The following ZDHHC19 variants were observed in gnomAD, a reference collection of about 807,000 sequenced individuals.
ZDHHC19 encodes the protein palmitoyltransferase ZDHHC19.
Under a neutral mutation model 33.9 loss-of-function variants are expected in ZDHHC19, and 30 were observed. The ratio of observed to expected loss-of-function variants is 0.88; its 90% CI spans 0.66 to 1.20. ZDHHC19 has a LOEUF of 1.20. Ranked by LOEUF, ZDHHC19 falls within the 50% of genes most tolerant of loss-of-function variation. The pLI is 0.00. For synonymous variants in ZDHHC19, 178 were observed against 167.6 expected, an observed-to-expected ratio of 1.06 and a Z score of -0.48; for missense variants, 364 against 401.1, an observed-to-expected ratio of 0.91 and a Z score of 0.79.
rs866271851 is a variant in ZDHHC19 at position 196,211,279 on chromosome 3, C to T, written c.37G>A (p.Glu13Lys). The T allele has an allele frequency of 6.2e-7, 1 of 1,613,968 alleles. No individual in the cohort carries two copies. The change falls in exon 1 of 8, where the codon GAG becomes AAG. Residue 13 changes from glutamate to lysine, a missense_variant. By Grantham distance (56) the Glu-to-Lys change is moderately conservative (BLOSUM62 1). Coordinates refer to ENST00000296326, the MANE Select transcript of ZDHHC19 (RefSeq NM_001039617.2). Reference protein sequence around the residue: ...LLTDATPLVKEPHPLPLVPRP... With the variant: ...LLTDATPLVKKPHPLPLVPRP... ...GGGACCAGAGGCAGGGGATGGGGCTCCTTCACCAGCGGCGTGGCATCCGTT... is the reference window on the plus strand; with the variant it reads ...GGGACCAGAGGCAGGGGATGGGGCTTCTTCACCAGCGGCGTGGCATCCGTT...
chr3:196,206,962 G>A (rs1002179402), intron 5 of ZDHHC19, among the ~76,000 whole-genome samples: 1 of 151,908 alleles, frequency 6.6e-6, no homozygotes, highest in Non-Finnish European at 1.5e-5. Context: ...CCTCCTCTCC[G>A]TCTTCTGTCT....
intron 4 of ZDHHC19, among the ~76,000 whole-genome samples, chr3:196,207,931 TTTTTC>T (rs778723700): frequency 1.5e-4 from 18 of 123,766 alleles, no homozygotes; most frequent in Middle Eastern, 4.1e-3. Context: ...GCCAGATTCC[TTTTTC>T]TTTTCTTTTC....
Position 196,203,688 on chromosome 3 carries a change from G to C in ZDHHC19, c.687+3710C>G, listed in dbSNP as rs1722529290. Among the ~76,000 whole-genome samples the C allele has an allele frequency of 6.6e-6, 1 of 152,238 alleles. No individual in the cohort carries two copies. Among genetic ancestry groups the C allele is most frequent in the Admixed American group, 6.5e-5 (1 of 15,290 alleles). On this transcript the variant is annotated intron_variant, in intron 5 of 7. Coordinates refer to ENST00000296326, the MANE Select transcript of ZDHHC19 (RefSeq NM_001039617.2). This position sits in a 1 kb window ranked among gnomAD's most constrained non-coding sequence, Gnocchi z 4.3. ...GGCAGCATTCTGGGCAGGGGAGGGA[G>C]GGCAGGAAGAACCACAGGATGTGAG...
In ZDHHC19 at chr3:196,203,907, T is replaced by C. The variant is rs1022040526; in HGVS notation, c.687+3491A>G. ...GTGGGCAGAGAGGGCGCCTGTGTCC[T>C]TCCAGCTGTCTGATACCTGCAGCTC... On this transcript the variant is annotated intron_variant, in intron 5 of 7. Coordinates refer to ENST00000296326, the MANE Select transcript of ZDHHC19 (RefSeq NM_001039617.2). The surrounding 1 kb of genome is among the most constrained non-coding windows in gnomAD (Gnocchi z 4.3). Among the ~76,000 whole-genome samples, 4 of 152,110 alleles carry C rather than the reference T, an allele frequency of 2.6e-5. No homozygotes were observed. The highest frequency in any genetic ancestry group is 9.7e-5 in the African/African-American group (4 of 41,406).
chr3:196,199,958 T>C (rs2108714228), intron 5 of ZDHHC19, among the ~76,000 whole-genome samples: 1 of 149,978 alleles, frequency 6.7e-6, no homozygotes, highest in East Asian at 2.0e-4. Context: ...AAAAAGAAAC[T>C]GGTATTGTAT....
chr3:196,204,067 G>T (rs1325493630), intron 5 of ZDHHC19, among the ~76,000 whole-genome samples: 5 of 151,972 alleles, frequency 3.3e-5, no homozygotes, highest in Admixed American at 6.6e-5. Context: ...GCAATAAGAA[G>T]AGAAAAAAAT....
intron 3 of ZDHHC19, 198 bp from the exon 4 acceptor site, chr3:196,208,758 T>C: frequency 1.6e-6 from 1 of 616,340 alleles, no homozygotes; most frequent in Non-Finnish European, 2.8e-6. Context: ...GTTAGGACTC[T>C]GGTATATACG....
intron 5 of ZDHHC19, among the ~76,000 whole-genome samples, chr3:196,205,745 T>C (rs1438663748): frequency 2.0e-5 from 3 of 152,192 alleles, no homozygotes; most frequent in Non-Finnish European, 2.9e-5. Context: ...CACTGCAGCT[T>C]CTGCCTCCCA....
chr3:196,208,438 G>T lies in ZDHHC19; in HGVS notation c.531C>A (p.Ile177=), dbSNP rs1262097639. Residue 177 remains isoleucine (I), a synonymous_variant, in exon 4 of 8, where the codon ATC becomes ATA. Coordinates refer to ENST00000296326, the MANE Select transcript of ZDHHC19 (RefSeq NM_001039617.2). Reference sequence around the variant, plus strand: ...GCAGGTGGGTTGTGCGCACCAGGAAGATGAGACAGGTGACCAGCATGGCGC... The same window carrying T: ...GCAGGTGGGTTGTGCGCACCAGGAATATGAGACAGGTGACCAGCATGGCGC... The part of the protein sequence containing the change: ...YSGAMLVTCL[I]FLVRTTHLPF... 1 of 1,614,074 alleles carries T rather than the reference G, an allele frequency of 6.2e-7. No homozygotes were observed.
At chr3:196,198,023 A>C (rs1331074270) in intron 7 of ZDHHC19, among the ~76,000 whole-genome samples, 3 of 152,138 alleles carry the variant, frequency 2.0e-5, no homozygotes, top group Non-Finnish European at 4.4e-5. Flanking sequence ...GACTGGCCTG[A>C]GGCCCATCAG....
chr3:196,209,657 C>G, intron 2 of ZDHHC19, 142 bp from the exon 3 acceptor site: 2 of 1,142,610 alleles, frequency 1.8e-6, no homozygotes, highest in Non-Finnish European at 2.4e-6. Context: ...GCAAGCTGTC[C>G]AAGCTCAGAG....
intron 3 of ZDHHC19, 164 bp from the exon 4 acceptor site, chr3:196,208,724 T>G (rs1716141558): frequency 2.7e-6 from 2 of 748,646 alleles, no homozygotes; most frequent in African/African-American, 3.5e-5. Context: ...TGCCTCATGC[T>G]GGCATTTCCC....
At chr3:196,201,883 C>A (rs1722378592) in intron 5 of ZDHHC19, among the ~76,000 whole-genome samples, 1 of 152,144 alleles carries the variant, frequency 6.6e-6, no homozygotes. Flanking sequence ...CGTCTCCCAC[C>A]CAACCCCCCT....
At chr3:196,199,648 A>G (rs1722082048) in intron 5 of ZDHHC19, 1 of 154,460 alleles carries the variant, frequency 6.5e-6, no homozygotes, top group Non-Finnish European at 1.5e-5. Context: ...TAAAGCATGT[A>G]AAAGAAACGT....
At chr3:196,199,562 A>G (rs1722074959) in intron 5 of ZDHHC19, 1 of 155,614 alleles carries the variant, frequency 6.4e-6, no homozygotes, top group Non-Finnish European at 1.5e-5. Context: ...ATAACAGCTC[A>G]CTGTCGCCAC....
chr3:196,210,621 T>C lies in ZDHHC19; in HGVS notation c.263A>G (p.His88Arg), dbSNP rs1723218094. ...CCAGGGGGCTGATGCCTCACCTTGA[T>C]GTAAGATGCCAGGGTCTGAGAAGTT... Reference protein sequence around the residue: ...SLNFSDPGILHQGSAEQGPLT... With the variant: ...SLNFSDPGILRQGSAEQGPLT... The change falls in exon 2 of 8, where the codon CAT becomes CGT. Residue 88 changes from histidine (H) to arginine (R), a missense_variant. By Grantham distance (29) the His-to-Arg change is conservative. Coordinates refer to ENST00000296326, the MANE Select transcript of ZDHHC19 (RefSeq NM_001039617.2). The C allele has an allele frequency of 6.2e-7, 1 of 1,613,664 alleles. No homozygotes were observed. Among genetic ancestry groups the C allele is most frequent in the African/African-American group, 1.3e-5 (1 of 74,850 alleles).
rs555026337 is a variant in ZDHHC19, at chr3:196,204,091, T to C, written c.687+3307A>G. Reference sequence around the variant, plus strand: ...AGAGAAAAAAATAAAGCCATACAGATTGGAAAAGAAGAAGTGAAACTGTCC... The same window carrying C: ...AGAGAAAAAAATAAAGCCATACAGACTGGAAAAGAAGAAGTGAAACTGTCC... On this transcript the variant is annotated intron_variant, in intron 5 of 7. Coordinates refer to ENST00000296326, the MANE Select transcript of ZDHHC19 (RefSeq NM_001039617.2). 2.0e-5 allele frequency among the ~76,000 whole-genome samples: 3 copies of C among 152,074 alleles called. No individual in the cohort carries two copies. In the South Asian group the frequency reaches 6.2e-4, roughly 32 times the overall value.
intron 1 of ZDHHC19, 40 bp downstream of exon 1, chr3:196,211,130 C>G (rs1256786859): frequency 6.2e-7 from 1 of 1,613,482 alleles, no homozygotes; most frequent in African/African-American, 1.3e-5. Context: ...CCCTGGCTGT[C>G]TCTTTGTGGG....
At chr3:196,201,521 G>A (rs1363392401) in intron 5 of ZDHHC19, among the ~76,000 whole-genome samples, 3 of 151,416 alleles carry the variant, frequency 2.0e-5, no homozygotes, top group South Asian at 2.1e-4. Context: ...CCAGGAGTTC[G>A]AGACCAGCCT....
Sources: gnomAD v4.1 joint callset for allele counts (sites outside exome capture counted in the v4.1 genomes callset) on GRCh38, gnomAD v4.1.1 for gene constraint, Gnocchi (gnomAD v3.1) non-coding constraint, MANE v1.5 for transcripts, NCBI Gene and HGNC (gene_info 2026-07-23, HGNC 2026-07-21) for gene names.